TRIM63: variants seen among roughly 807,000 people sequenced by gnomAD.
The protein encoded by TRIM63 is tripartite motif containing 63, also known as E3 ubiquitin-protein ligase TRIM63.
Under a neutral mutation model 46.0 loss-of-function variants are expected in TRIM63, and 48 were observed. The ratio of observed to expected loss-of-function variants is 1.04; its 90% confidence interval spans 0.83 to 1.33. The LOEUF is 1.33. TRIM63 is among the 40% of genes most tolerant of loss of function. The pLI is 0.00. For missense variants in TRIM63, 455 were observed against 441.2 expected, an observed-to-expected ratio of 1.03 and a Z score of -0.28; for synonymous variants, 175 against 162.8, an observed-to-expected ratio of 1.08 and a Z score of -0.57.
chr1:26,052,631 T>G (rs1229870262), intron 8 of TRIM63, among the ~76,000 whole-genome samples: 1 of 152,006 alleles, frequency 6.6e-6, no homozygotes, highest in East Asian at 1.9e-4. Context: ...CACGCCTGGC[T>G]AATTTTTGTA....
Position 26,058,436 on chromosome 1 carries a change from G to A in TRIM63, c.785C>T (p.Thr262Ile), listed in dbSNP as rs889710255. Residue 262 changes from threonine (T) to isoleucine (I), a missense_variant, in exon 5 of 9, where the codon ACT becomes ATT. By Grantham distance (89) the Thr-to-Ile change is moderately conservative. Transcript: ENST00000374272. Reference protein sequence around the residue: ...QLDKSTKLVETAIQSLDEPGG... With the variant: ...QLDKSTKLVEIAIQSLDEPGG... Reference sequence around the variant, plus strand: ...AGGCTCGTCCAGGGACTGGATGGCAGTTTCCACCAGCTTTGTGGACTTGTC... The same window carrying A: ...AGGCTCGTCCAGGGACTGGATGGCAATTTCCACCAGCTTTGTGGACTTGTC... The A allele has an allele frequency of 3.0e-5, 48 of 1,614,084 alleles. No homozygotes were observed. Among genetic ancestry groups the A allele is most frequent in the Non-Finnish European group, 3.9e-5 (46 of 1,180,052 alleles).
intron 8 of TRIM63, among the ~76,000 whole-genome samples, chr1:26,052,611 T>C (rs749546578): frequency 2.0e-5 from 3 of 151,802 alleles, no homozygotes; most frequent in Admixed American, 6.6e-5. Context: ...GGATTACAGG[T>C]GCCCGTCACC....
In TRIM63 at chr1:26,053,930, A is replaced by ATCT; in HGVS notation, c.1011_1013dup (p.Glu337dup). The ATCT allele has an allele frequency of 6.3e-7, 1 of 1,593,642 alleles. No homozygotes were observed. Among genetic ancestry groups the ATCT allele is most frequent in the South Asian group, 1.1e-5 (1 of 88,004 alleles). Reference sequence around the variant, plus strand: ...CTTCTGTGGACTCTTCCTCTTCCTGATCTTCTTCTTCAATGAATTCTTCCT... The same window carrying ATCT: ...CTTCTGTGGACTCTTCCTCTTCCTGATCTTCTTCTTCTTCAATGAATTCTTCCT... On this transcript the variant is annotated inframe_insertion, in exon 8 of 9. Transcript: ENST00000374272.
chr1:26,066,627 G>A (rs1025462261), intron 1 of TRIM63, among the ~76,000 whole-genome samples, 187 bp from the exon 2 acceptor site: 3 of 152,156 alleles, frequency 2.0e-5, no homozygotes, highest in African/African-American at 7.2e-5. Flanking sequence ...CTAAGCAATC[G>A]TCAGGATGGG....
chr1:26,065,411 C>G, intron 2 of TRIM63, among the ~76,000 whole-genome samples: 1 of 152,186 alleles, frequency 6.6e-6, no homozygotes, highest in East Asian at 1.9e-4. Context: ...CAGCCTTGAC[C>G]TCCCTGGCTC....
chr1:26,062,154 C>T (rs2050631707), intron 2 of TRIM63, among the ~76,000 whole-genome samples: 1 of 151,808 alleles, frequency 6.6e-6, no homozygotes, highest in Non-Finnish European at 1.5e-5. Context: ...CCTGTAATCC[C>T]AGCTACTCGG....
intron 1 of TRIM63, among the ~76,000 whole-genome samples, chr1:26,066,856 C>A (rs61775417): frequency 7.3e-5 from 11 of 151,594 alleles, no homozygotes; most frequent in South Asian, 2.1e-4. Context: ...ACATCTACCC[C>A]CTTCCTTTCT....
At chr1:26,061,805 G>C (rs1490461567) in intron 2 of TRIM63, among the ~76,000 whole-genome samples, 1 of 152,164 alleles carries the variant, frequency 6.6e-6, no homozygotes, top group Non-Finnish European at 1.5e-5. Flanking sequence ...CTGCAGGCTG[G>C]GCTCTGAGCT....
In TRIM63 at chr1:26,067,560, G is replaced by A; in HGVS notation, c.-66C>T. 2.6e-6 allele frequency: 4 copies of A among 1,558,724 alleles called. No homozygotes were observed. The highest frequency in any genetic ancestry group is 3.5e-6 in the Non-Finnish European group (4 of 1,148,664). Reference sequence around the variant, plus strand: ...TACTAACTTTGCTCTAAGTAGACCTGGGGGTCTTGCCTTTGTCACAAAACA... The same window carrying A: ...TACTAACTTTGCTCTAAGTAGACCTAGGGGTCTTGCCTTTGTCACAAAACA... On this transcript the variant is annotated 5_prime_UTR_variant, in exon 1 of 9. Transcript: ENST00000374272.
At chr1:26,053,986 G>A in intron 7 of TRIM63, 22 bp from the exon 8 acceptor site, 5 of 1,557,880 alleles carry the variant, frequency 3.2e-6, no homozygotes, top group Non-Finnish European at 4.3e-6. Flanking sequence ...AAACATTTGT[G>A]TTAGGATGGG....
chr1:26,061,884 T>C (rs2050629448), intron 2 of TRIM63, among the ~76,000 whole-genome samples: 1 of 152,146 alleles, frequency 6.6e-6, no homozygotes, highest in African/African-American at 2.4e-5. Flanking sequence ...TCCATCAAGG[T>C]AGGGAAACTT....
intron 2 of TRIM63, among the ~76,000 whole-genome samples, chr1:26,065,140 C>A (rs1415145709): frequency 6.6e-6 from 1 of 151,574 alleles, no homozygotes; most frequent in African/African-American, 2.4e-5. Flanking sequence ...TCTCCTGCCT[C>A]AGCCTCCTAA....
At chr1:26,055,511 C>CTT (rs776902898) in intron 7 of TRIM63, among the ~76,000 whole-genome samples, 5 of 137,906 alleles carry the variant, frequency 3.6e-5, no homozygotes, top group Admixed American at 7.4e-5. Flanking sequence ...CTATTTCTTT[C>CTT]TTTTTTTTTT....
intron 7 of TRIM63, among the ~76,000 whole-genome samples, chr1:26,056,757 ATTTTTT>A (rs539855797): frequency 7.2e-6 from 1 of 139,024 alleles, no homozygotes; most frequent in Non-Finnish European, 1.6e-5. Context: ...GACTATATGA[ATTTTTT>A]TTTTTTTTTT....
Position 26,060,268 on chromosome 1 carries a change from T to G in TRIM63, c.595A>C (p.Lys199Gln). The G allele has an allele frequency of 6.2e-7, 1 of 1,613,640 alleles. No individual in the cohort carries two copies. The highest frequency in any genetic ancestry group is 1.7e-4 in the Middle Eastern group (1 of 6,060). Residue 199 changes from lysine to glutamine, a missense_variant and splice_region_variant, in exon 4 of 9, where the codon AAG becomes CAG. Lys to Gln is a moderately conservative substitution (Grantham distance 53, BLOSUM62 1). Transcript: ENST00000374272. ...TQLEDSRRVT[K>Q]ENSHQVKEEL... ...GCAGGACTATTCTGTCCGCTCACCT[T>G]GGTCACTCGACGGGAATCCTCCAGC...
At chr1:26,066,602 G>A (rs2050680831) in intron 1 of TRIM63, among the ~76,000 whole-genome samples, 162 bp from the exon 2 acceptor site, 1 of 152,172 alleles carries the variant, frequency 6.6e-6, no homozygotes, top group Admixed American at 6.5e-5. Flanking sequence ...CACACACAGA[G>A]CACCTGAGAA....
In TRIM63 at chr1:26,064,168, C is replaced by T. The variant is rs183259077; in HGVS notation, c.332+2100G>A. The stretch of plus-strand genomic sequence containing the variant: ...AAAATTAGCTGGGTGTGGTGGTGCA[C>T]GTCTGTAATCCCAGCACTTTGGGAG... On this transcript the variant is annotated intron_variant, in intron 2 of 8. Transcript: ENST00000374272. Among the ~76,000 whole-genome samples the T allele has an allele frequency of 7.2e-4, 109 of 152,270 alleles. 1 individual carries two copies. The highest frequency in any genetic ancestry group is 2.5e-3 in the African/African-American group (105 of 41,554).
At chr1:26,055,215 C>A (rs888515008) in intron 7 of TRIM63, among the ~76,000 whole-genome samples, 1 of 152,248 alleles carries the variant, frequency 6.6e-6, no homozygotes, top group African/African-American at 2.4e-5. Context: ...GCACAGGCTA[C>A]TTGCCAGCTG....
intron 7 of TRIM63, among the ~76,000 whole-genome samples, chr1:26,056,667 T>C (rs2050572991): frequency 6.6e-6 from 1 of 152,100 alleles, no homozygotes; most frequent in Non-Finnish European, 1.5e-5. Flanking sequence ...GAGGCCTCCC[T>C]GCCATGGATC....
Sources: allele counts gnomAD v4.1 joint callset (sites outside exome capture counted in the v4.1 genomes callset), GRCh38; gene constraint gnomAD v4.1.1; transcripts MANE v1.5; gene names NCBI Gene and HGNC (gene_info 2026-07-23, HGNC 2026-07-21).